HMGB1: variants seen among roughly 807,000 people sequenced by gnomAD.
HMGB1 encodes high mobility group protein B1.
For missense variants in HMGB1, 79 were observed against 253.5 expected (o/e 0.31, Z 4.67); for synonymous variants, 81 against 84.0 (o/e 0.96, Z 0.19).
At chr13:30,545,030 A>T (rs1212952733) in intron 1 of HMGB1, among the ~76,000 whole-genome samples, 1 of 152,098 alleles carries the variant, frequency 6.6e-6, no homozygotes, top group Non-Finnish European at 1.5e-5. Context: ...CTTCTCTCTT[A>T]AAAAAACTAT....
Position 30,460,534 on chromosome 13 carries a change from C to T in HMGB1, c.*823G>A, listed in dbSNP as rs977438640. 3.3e-5 allele frequency: 5 copies of T among 152,168 alleles called. No individual in the cohort carries two copies. The highest frequency in any genetic ancestry group is 5.9e-5 in the Non-Finnish European group (4 of 67,896). 9.4% of individuals were successfully genotyped at this position (152,168 alleles called of 1,614,324 possible). On this transcript the variant is annotated 3_prime_UTR_variant, in exon 5 of 5. Transcript: ENST00000341423. Reference sequence around the variant, plus strand: ...AATGGGAGTTAAAGAATAGAGTCCTCATGTAAAGGTTAGAACATACTTTTC... The same window carrying T: ...AATGGGAGTTAAAGAATAGAGTCCTTATGTAAAGGTTAGAACATACTTTTC...
intron 1 of HMGB1, 34 bp downstream of exon 1, chr13:30,465,762 C>T: frequency 1.0e-6 from 1 of 980,974 alleles, no homozygotes; most frequent in Non-Finnish European, 1.2e-6. Flanking sequence ...CTGCCGGAGG[C>T]GCTCTCCCCG....
chr13:30,588,219 T>C (rs1028729), intron 1 of HMGB1, among the ~76,000 whole-genome samples: 61,577 of 152,066 alleles, frequency 0.4, 13,404 homozygotes, highest in Middle Eastern at 0.55. Flanking sequence ...TATTACATAG[T>C]AACACAGAAA....
At chr13:30,590,473 G>C (rs901861632) in intron 1 of HMGB1, among the ~76,000 whole-genome samples, 5 of 152,112 alleles carry the variant, frequency 3.3e-5, no homozygotes, top group African/African-American at 1.2e-4. Flanking sequence ...AAAGTGCTGA[G>C]AATACAGGTG....
chr13:30,567,927 C>A (rs1330203921), intron 1 of HMGB1, among the ~76,000 whole-genome samples: 1 of 152,254 alleles, frequency 6.6e-6, no homozygotes, highest in Non-Finnish European at 1.5e-5. Context: ...CAAATCCCAA[C>A]TGCTGTGCTC....
rs1474792615 is a variant in HMGB1, at chr13:30,525,540, TAAC to T, written c.-14-61849_-14-61847del. Among the ~76,000 whole-genome samples the T allele has an allele frequency of 3.3e-5, 5 of 152,306 alleles. No individual in the cohort carries two copies. In the South Asian group the frequency reaches 8.3e-4, roughly 25 times the overall value. ...GGAGGTACTCACTAAATGTTTTTGA[TAAC>T]AAGAATATTGAGGTTCTTAATTATG... On this transcript the variant is annotated intron_variant, in intron 1 of 4. Transcript: ENST00000405805.
rs1886024009 is a variant in HMGB1, at chr13:30,457,123, CTTA to C, written c.*4231_*4233del. ...AAGGATCTCTCTAATCCCTTTTCCACTTATTTTTAAAATGGTATTTAGTATATC... is the reference window on the plus strand; with the variant it reads ...AAGGATCTCTCTAATCCCTTTTCCACTTTTTAAAATGGTATTTAGTATATC... On this transcript the variant is annotated 3_prime_UTR_variant, in exon 5 of 5. Coordinates refer to ENST00000341423, the MANE Select transcript of HMGB1 (RefSeq NM_002128.7). 6.6e-6 allele frequency: 1 copy of C among 152,184 alleles called. No homozygotes were observed. Among genetic ancestry groups the C allele is most frequent in the Non-Finnish European group, 1.5e-5 (1 of 68,030 alleles). 9.4% of individuals were successfully genotyped at this position (152,184 alleles called of 1,614,324 possible). A position where few individuals can be genotyped will look rare whatever the true frequency, so the allele number is the denominator to read the frequency against.
At chr13:30,477,807 G>A (rs1887132402) in intron 1 of HMGB1, among the ~76,000 whole-genome samples, 2 of 152,178 alleles carry the variant, frequency 1.3e-5, no homozygotes, top group Admixed American at 6.5e-5. Context: ...GAGCTGGACC[G>A]GTTGGGACAG....
At chr13:30,496,674 C>T (rs1455426224) in intron 1 of HMGB1, among the ~76,000 whole-genome samples, 1 of 152,182 alleles carries the variant, frequency 6.6e-6, no homozygotes, top group African/African-American at 2.4e-5. Context: ...TTGTTGTTGG[C>T]TTTTCAAAAG....
At chr13:30,570,915 A>G (rs922495095) in intron 1 of HMGB1, among the ~76,000 whole-genome samples, 2 of 152,206 alleles carry the variant, frequency 1.3e-5, no homozygotes, top group African/African-American at 4.8e-5. Context: ...CAATTCTCTA[A>G]ATATATTACC....
chr13:30,527,119 C>G (rs773695682), intron 1 of HMGB1, among the ~76,000 whole-genome samples: 2 of 152,192 alleles, frequency 1.3e-5, no homozygotes, highest in Non-Finnish European at 2.9e-5. Context: ...GGGGCCGCAG[C>G]GGCTGTGCAT....
intron 1 of HMGB1, among the ~76,000 whole-genome samples, chr13:30,565,661 T>C (rs1327670292): frequency 6.6e-6 from 1 of 152,238 alleles, no homozygotes; most frequent in Admixed American, 6.5e-5. Context: ...ATGTCTGATA[T>C]GCTTCCAGAG....
At chr13:30,464,583 G>A (rs1448131881) in intron 1 of HMGB1, 1 of 983,396 alleles carries the variant, frequency 1.0e-6, no homozygotes, top group East Asian at 1.1e-4. Context: ...GCAGGCCCGC[G>A]CCGCCGCCGC....
At chr13:30,584,060 GAA>G (rs1491188904) in intron 1 of HMGB1, among the ~76,000 whole-genome samples, 2 of 149,458 alleles carry the variant, frequency 1.3e-5, no homozygotes, top group African/African-American at 2.5e-5. Flanking sequence ...GAAAGGAAAA[GAA>G]GAGAGAGAGA....
intron 1 of HMGB1, among the ~76,000 whole-genome samples, chr13:30,546,714 G>T (rs1869176092): frequency 6.6e-6 from 1 of 151,972 alleles, no homozygotes; most frequent in African/African-American, 2.4e-5. Flanking sequence ...TGAACTCCTG[G>T]CCTCAACTGA....
chr13:30,464,966 G>A (rs1300204604), intron 1 of HMGB1: 1 of 132,258 alleles, frequency 7.6e-6, no homozygotes, highest in Non-Finnish European at 1.6e-5. Flanking sequence ...CCGCCCGAGG[G>A]CCCACCCGCC....
rs116346354 is a variant in HMGB1, at chr13:30,506,263, T to C, written c.-14-42569A>G. ...AGGGGTGGCGTCTTGGGTGGAAGCA[T>C]TTGAGATCTGCTGACATTCTTTCTA... is the stretch of plus-strand genomic sequence containing the variant. On this transcript the variant is annotated intron_variant, in intron 1 of 4. Transcript: ENST00000405805. Among the ~76,000 whole-genome samples, 384 of 152,142 alleles carry C rather than the reference T, an allele frequency of 2.5e-3. 1 individual carries two copies. The highest frequency in any genetic ancestry group is 8.7e-3 in the African/African-American group (361 of 41,494).
chr13:30,523,524 A>T (rs1264442205), intron 1 of HMGB1, among the ~76,000 whole-genome samples: 1 of 58,412 alleles, frequency 1.7e-5, no homozygotes, highest in African/African-American at 4.2e-5. Flanking sequence ...ACTGAAGCCA[A>T]GTTTTTTTTT....
At position 30,459,376 on chromosome 13, in the gene HMGB1, G is replaced by A. The variant is rs1032224287; in HGVS notation, c.*1981C>T. 3.9e-5 allele frequency: 6 copies of A among 152,062 alleles called. No homozygotes were observed. Among genetic ancestry groups the A allele is most frequent in the Non-Finnish European group, 7.4e-5 (5 of 68,018 alleles). 9.4% of individuals were successfully genotyped at this position (152,062 alleles called of 1,614,324 possible). A position where few individuals can be genotyped will look rare whatever the true frequency, so the allele number is the denominator to read the frequency against. The stretch of plus-strand genomic sequence containing the variant: ...TTAAAAAAATGGTAGTTGTCATGAC[G>A]TACCTACTAAAGTTACAAATTCTCC... On this transcript the variant is annotated 3_prime_UTR_variant, in exon 5 of 5. Transcript: ENST00000341423.
Sources: gnomAD v4.1 joint callset for allele counts (sites outside exome capture counted in the v4.1 genomes callset) on GRCh38, gnomAD v4.1.1 for gene constraint, MANE v1.5 for transcripts, NCBI Gene and HGNC (gene_info 2026-07-23, HGNC 2026-07-21) for gene names.